Variants in TDP1 observed in about 807,000 individuals in gnomAD.
The protein encoded by TDP1 is tyrosyl-DNA phosphodiesterase 1.
Under a neutral mutation model 81.5 loss-of-function variants are expected in TDP1, and 64 were observed. The ratio of observed to expected loss-of-function variants is 0.79; its 90% CI spans 0.64 to 0.97. The LOEUF is 0.97. Ranked by LOEUF, TDP1 falls within the 50% of genes least tolerant of loss-of-function variation. The pLI, the probability that TDP1 is intolerant of heterozygous loss-of-function variation, is 0.00. For synonymous variants in TDP1, 256 were observed against 264.3 expected (o/e 0.97, Z 0.30); for missense variants, 723 against 743.8 (o/e 0.97, Z 0.33).
At chr14:90,028,011 G>A (rs528504255) in intron 15 of TDP1, among the ~76,000 whole-genome samples, 2 of 152,312 alleles carry the variant, frequency 1.3e-5, no homozygotes, top group Admixed American at 1.3e-4. Context: ...TGATGACGTT[G>A]CACTCTTTTC....
At chr14:90,014,489 C>A (rs1885087428) in intron 14 of TDP1, among the ~76,000 whole-genome samples, 1 of 152,186 alleles carries the variant, frequency 6.6e-6, no homozygotes, top group Non-Finnish European at 1.5e-5. Context: ...GTCAGTACAG[C>A]TGCTTGGTCT....
intron 15 of TDP1, among the ~76,000 whole-genome samples, chr14:90,032,412 C>T (rs908518408): frequency 1.1e-4 from 17 of 151,932 alleles, no homozygotes; most frequent in Non-Finnish European, 1.8e-4. Flanking sequence ...GGATGATCCA[C>T]GAAGGGGCAG....
chr14:90,032,901 T>G, intron 15 of TDP1: 2 of 971,936 alleles, frequency 2.1e-6, no homozygotes, highest in Non-Finnish European at 2.4e-6. Context: ...TCCTGAAAAT[T>G]AAAGCTCTTA....
intron 16 of TDP1, among the ~76,000 whole-genome samples, chr14:90,037,971 A>G (rs1470822064): frequency 6.6e-6 from 1 of 152,218 alleles, no homozygotes; most frequent in African/African-American, 2.4e-5. Context: ...GGAACATTCT[A>G]CTTTGGGTTT....
rs181273235 is a variant in TDP1 at position 89,995,564 on chromosome 14, T to G, written c.1541+2081T>G. 3.4e-3 allele frequency among the ~76,000 whole-genome samples: 523 copies of G among 152,332 alleles called. 1 individual carries two copies. Among genetic ancestry groups the G allele is most frequent in the Middle Eastern group, 0.014 (4 of 294 alleles). On this transcript the variant is annotated intron_variant, in intron 14 of 16. Transcript: ENST00000335725. ...AAGAAACATAACTTAAATAACAACTTAGATACATAGAACCCACTCTCTCAG... is the reference window on the plus strand; with the variant it reads ...AAGAAACATAACTTAAATAACAACTGAGATACATAGAACCCACTCTCTCAG...
intron 6 of TDP1, among the ~76,000 whole-genome samples, chr14:89,972,910 C>A (rs1488098841): frequency 6.6e-6 from 1 of 152,166 alleles, no homozygotes; most frequent in African/African-American, 2.4e-5. Context: ...TACATCCTTT[C>A]TGGATTTTTT....
intron 14 of TDP1, among the ~76,000 whole-genome samples, chr14:90,012,774 C>T (rs1284016090): frequency 2.0e-5 from 3 of 152,082 alleles, no homozygotes; most frequent in Admixed American, 1.3e-4. Flanking sequence ...CCACTGACAG[C>T]TTGCATGGTG....
chr14:90,010,735 C>T (rs1420018328), intron 14 of TDP1, among the ~76,000 whole-genome samples: 1 of 152,150 alleles, frequency 6.6e-6, no homozygotes, highest in East Asian at 1.9e-4. Flanking sequence ...CACAATCCTC[C>T]TAAAACTTTA....
chr14:90,004,088 C>T (rs565093067), intron 14 of TDP1, among the ~76,000 whole-genome samples: 13 of 152,218 alleles, frequency 8.5e-5, no homozygotes, highest in South Asian at 4.1e-4. Flanking sequence ...TCAGTACTAA[C>T]GCCTACAAGT....
intron 14 of TDP1, among the ~76,000 whole-genome samples, chr14:90,016,829 AG>A: frequency 6.6e-6 from 1 of 152,286 alleles, no homozygotes; most frequent in East Asian, 1.9e-4. Context: ...GACTTTAGTA[AG>A]GGTTTGGGTA....
chr14:90,012,430 G>T (rs1347395478), intron 14 of TDP1, among the ~76,000 whole-genome samples: 1 of 150,720 alleles, frequency 6.6e-6, no homozygotes, highest in Non-Finnish European at 1.5e-5. Flanking sequence ...TGGGGCCTCC[G>T]ACCCCATAAT....
chr14:89,959,210 C>G (rs1892039103), intron 2 of TDP1, among the ~76,000 whole-genome samples: 1 of 152,216 alleles, frequency 6.6e-6, no homozygotes, highest in African/African-American at 2.4e-5. Flanking sequence ...GTACCACTTA[C>G]AAAAAGTGTG....
At chr14:90,011,112 C>CT (rs1186453247) in intron 14 of TDP1, among the ~76,000 whole-genome samples, 1 of 152,212 alleles carries the variant, frequency 6.6e-6, no homozygotes, top group Admixed American at 6.5e-5. Flanking sequence ...TGCACACACA[C>CT]TCCTGCCTGC....
chr14:90,019,263 C>A, intron 14 of TDP1, 53 bp from the exon 15 acceptor site: 2 of 1,368,468 alleles, frequency 1.5e-6, no homozygotes, highest in South Asian at 1.2e-5. Flanking sequence ...GAAGTTTGAC[C>A]CACACTGAGA....
At chr14:90,005,423 A>T (rs1897582395) in intron 14 of TDP1, among the ~76,000 whole-genome samples, 1 of 152,244 alleles carries the variant, frequency 6.6e-6, no homozygotes, top group Non-Finnish European at 1.5e-5. Context: ...AATTTTTTTA[A>T]ATCATTATAA....
chr14:89,989,852 T>C, intron 12 of TDP1, 87 bp downstream of exon 12: 1 of 1,025,346 alleles, frequency 9.8e-7, no homozygotes, highest in Non-Finnish European at 1.5e-6. Context: ...GCGTAGAAAT[T>C]TGGAGATGGT....
intron 14 of TDP1, among the ~76,000 whole-genome samples, chr14:90,000,945 G>A (rs1897135109): frequency 6.6e-6 from 1 of 152,140 alleles, no homozygotes; most frequent in Non-Finnish European, 1.5e-5. Context: ...ATTTACTTGG[G>A]TATGTAGAGT....
At chr14:89,978,649 T>C (rs551449242) in intron 7 of TDP1, among the ~76,000 whole-genome samples, 6 of 152,384 alleles carry the variant, frequency 3.9e-5, no homozygotes, top group African/African-American at 1.4e-4. Context: ...AGTTCATAAT[T>C]CTATTTGATA....
intron 15 of TDP1, among the ~76,000 whole-genome samples, chr14:90,032,103 A>G (rs1887343558): frequency 6.6e-6 from 1 of 152,216 alleles, no homozygotes; most frequent in African/African-American, 2.4e-5. Context: ...GACTCGAGAA[A>G]TAAAGTGTCG....
Sources: gnomAD v4.1 joint callset for allele counts (sites outside exome capture counted in the v4.1 genomes callset) on GRCh38, gnomAD v4.1.1 for gene constraint, MANE v1.5 for transcripts, NCBI Gene and HGNC (gene_info 2026-07-23, HGNC 2026-07-21) for gene names.